SCN8A: variants seen among roughly 807,000 people sequenced by gnomAD.
SCN8A encodes sodium voltage-gated channel alpha subunit 8.
A neutral mutation model predicts 184.1 loss-of-function variants in SCN8A; 30 were observed. The ratio of observed to expected loss-of-function variants is 0.16; its 90% CI spans 0.12 to 0.22. The LOEUF (loss-of-function observed/expected upper bound fraction) is 0.22, where lower values mean the gene tolerates loss of function less well. Ranked by LOEUF, SCN8A falls within the 10% of genes least tolerant of loss-of-function variation. The pLI, the probability that SCN8A is intolerant of heterozygous loss-of-function variation, is 1.00. For missense variants in SCN8A, 1,057 were observed against 2,498.9 expected, an observed-to-expected ratio of 0.42 and a Z score of 12.30; for synonymous variants, 852 against 907.0, an observed-to-expected ratio of 0.94 and a Z score of 1.09.
intron 1 of SCN8A, among the ~76,000 whole-genome samples, chr12:51,611,247 C>T (rs923513452): frequency 4.0e-5 from 6 of 151,030 alleles, no homozygotes; most frequent in Non-Finnish European, 8.8e-5. Flanking sequence ...GAGCAAGCTC[C>T]GCCTCCCAGG....
intron 1 of SCN8A, among the ~76,000 whole-genome samples, chr12:51,623,070 C>A (rs917151652): frequency 2.0e-5 from 3 of 152,098 alleles, no homozygotes; most frequent in African/African-American, 4.8e-5. Context: ...TGAGCACCTC[C>A]CTACTTTTTT....
chr12:51,679,090 A>AT (rs1941278364), intron 2 of SCN8A, among the ~76,000 whole-genome samples: 1 of 39,268 alleles, frequency 2.5e-5, no homozygotes, highest in African/African-American at 5.4e-5. Context: ...AAAAATAAAA[A>AT]AATAAAAAAA....
chr12:51,603,874 T>G (rs77913380), intron 1 of SCN8A, among the ~76,000 whole-genome samples: 8 of 152,210 alleles, frequency 5.3e-5, no homozygotes, highest in African/African-American at 1.9e-4. Flanking sequence ...TCTGTTGAAA[T>G]GTTTTGCCCA....
rs181743206 is a variant in SCN8A at position 51,751,324 on chromosome 12, G to A, written c.2132-31G>A. 2.7e-6 allele frequency: 4 copies of A among 1,461,854 alleles called. No individual in the cohort carries two copies. In the Admixed American group the frequency reaches 5.1e-5, roughly 19 times the overall value. 90.6% of individuals were successfully genotyped at this position (1,461,854 alleles called of 1,614,324 possible). A position where few individuals can be genotyped will look rare whatever the true frequency, so the allele number is the denominator to read the frequency against. On this transcript the variant is annotated intron_variant, in intron 13 of 26. Transcript: ENST00000627620. ...TCCCCCTGGTTTTCTTGCTGTGATT[G>A]AGGGGCCATCTTTGTTCTTACTTAC...
chr12:51,717,595 A>C (rs1187694011), intron 11 of SCN8A, among the ~76,000 whole-genome samples: 1 of 152,232 alleles, frequency 6.6e-6, no homozygotes, highest in African/African-American at 2.4e-5. Flanking sequence ...ATGTAAGAAG[A>C]ATAGTAAGCT....
At chr12:51,692,562 A>G (rs1376042356) in intron 6 of SCN8A, among the ~76,000 whole-genome samples, 1 of 152,218 alleles carries the variant, frequency 6.6e-6, no homozygotes, top group East Asian at 1.9e-4. Flanking sequence ...GGTCTGTGCT[A>G]AAAGGGTCGG....
intron 14 of SCN8A, among the ~76,000 whole-genome samples, chr12:51,755,747 A>G (rs1421951284): frequency 2.0e-5 from 3 of 152,180 alleles, no homozygotes; most frequent in Admixed American, 2.0e-4. Context: ...TGGATATTGC[A>G]AACCATGAGT....
intron 1 of SCN8A, among the ~76,000 whole-genome samples, chr12:51,657,300 G>C (rs1362832850): frequency 6.6e-6 from 1 of 151,984 alleles, no homozygotes; most frequent in Non-Finnish European, 1.5e-5. Flanking sequence ...TCATTTCTTT[G>C]TATTAGGAAC....
At chr12:51,639,097 G>C (rs1286716729) in intron 1 of SCN8A, among the ~76,000 whole-genome samples, 1 of 151,724 alleles carries the variant, frequency 6.6e-6, no homozygotes, top group African/African-American at 2.4e-5. Context: ...CTCCCACCCA[G>C]CCTACAGCAT....
At chr12:51,756,382 C>T (rs774895515) in intron 14 of SCN8A, among the ~76,000 whole-genome samples, 28 of 152,206 alleles carry the variant, frequency 1.8e-4, no homozygotes, top group Non-Finnish European at 3.8e-4. Flanking sequence ...AGGCCTTCCC[C>T]TACATGAGTC....
rs117733516 is a variant in SCN8A at position 51,781,639 on chromosome 12, C to T, written c.3942+868C>T. 8.3e-4 allele frequency among the ~76,000 whole-genome samples: 126 copies of T among 152,074 alleles called. No individual in the cohort carries two copies. The East Asian group carries it at 0.022, about 27-fold the overall frequency. ...TTTGGTTTAAACAATTGTGCGTGTG[C>T]GTGCGTGCACGCGCACGCACGCGCA... On this transcript the variant is annotated intron_variant, in intron 21 of 26. Transcript: ENST00000627620.
chr12:51,797,682 C>G (rs768922286), intron 26 of SCN8A, among the ~76,000 whole-genome samples: 6 of 152,182 alleles, frequency 3.9e-5, no homozygotes, highest in Non-Finnish European at 8.8e-5. Context: ...TAAGGGATCT[C>G]CTGTATTCCA....
intron 1 of SCN8A, among the ~76,000 whole-genome samples, chr12:51,596,585 G>A (rs1162163600): frequency 6.6e-6 from 1 of 152,030 alleles, no homozygotes; most frequent in Non-Finnish European, 1.5e-5. Flanking sequence ...TTAGTGAGTG[G>A]GTATAATGAA....
intron 11 of SCN8A, among the ~76,000 whole-genome samples, chr12:51,709,407 A>C (rs1941836105): frequency 6.6e-6 from 1 of 152,234 alleles, no homozygotes; most frequent in South Asian, 2.1e-4. Flanking sequence ...GATGGAGTTC[A>C]GGAAAGAAAA....
intron 12 of SCN8A, 131 bp downstream of exon 12, chr12:51,722,039 T>C (rs1447928287): frequency 1.7e-5 from 25 of 1,451,480 alleles, no homozygotes; most frequent in South Asian, 3.5e-5. Context: ...TTGGTCTGTC[T>C]GGACCCCACT....
intron 2 of SCN8A, among the ~76,000 whole-genome samples, chr12:51,677,048 ATTGTT>A (rs1414402560): frequency 3.5e-5 from 5 of 141,346 alleles, no homozygotes; most frequent in Non-Finnish European, 7.7e-5. Context: ...TGCATCCTTT[ATTGTT>A]TTGTTTTATT....
At chr12:51,620,259 A>G (rs940718838) in intron 1 of SCN8A, among the ~76,000 whole-genome samples, 5 of 152,300 alleles carry the variant, frequency 3.3e-5, no homozygotes, top group Non-Finnish European at 4.4e-5. Context: ...AGATCAGTGG[A>G]TGCTTGCTTA....
At chr12:51,651,303 A>G (rs1460769580) in intron 1 of SCN8A, among the ~76,000 whole-genome samples, 1 of 152,180 alleles carries the variant, frequency 6.6e-6, no homozygotes, top group African/African-American at 2.4e-5. Flanking sequence ...TGCTGGGATC[A>G]AGTGATTCTC....
chr12:51,663,248 T>A (rs2138671797), intron 2 of SCN8A, among the ~76,000 whole-genome samples, 155 bp downstream of exon 2: 1 of 152,328 alleles, frequency 6.6e-6, no homozygotes, highest in Non-Finnish European at 1.5e-5. Flanking sequence ...TCATTTTAAT[T>A]GCTACTAAGG....
Sources: allele counts gnomAD v4.1 joint callset (sites outside exome capture counted in the v4.1 genomes callset), GRCh38; gene constraint gnomAD v4.1.1; transcripts MANE v1.5; gene names NCBI Gene and HGNC (gene_info 2026-07-23, HGNC 2026-07-21).